Variants in PCDH11X observed in about 807,000 individuals in gnomAD.
PCDH11X encodes protocadherin-11 X-linked.
PCDH11X carries 18 observed loss-of-function variants against 53.3 expected under a neutral mutation model. The observed-to-expected ratio is 0.34, with a 90% CI of 0.23 to 0.50. The LOEUF is 0.50. Among genes scored for constraint, PCDH11X ranks in the 20% least tolerant of loss-of-function variants. PCDH11X has a pLI of 0.98. For synonymous variants in PCDH11X, 279 were observed against 393.3 expected (o/e 0.71, Z 3.44); for missense variants, 570 against 1,032.4 (o/e 0.55, Z 6.14).
intron 8 of PCDH11X, among the ~76,000 whole-genome samples, chrX:92,335,805 C>T (rs1401880184): frequency 2.7e-5 from 3 of 111,821 alleles, no homozygotes; most frequent in Non-Finnish European, 5.6e-5. Context: ...TAAATAAATA[C>T]ATGTACGTGT....
intron 8 of PCDH11X, among the ~76,000 whole-genome samples, chrX:92,319,494 A>C (rs1409435921): frequency 8.9e-6 from 1 of 112,039 alleles, no homozygotes; most frequent in Non-Finnish European, 1.9e-5. Context: ...CCGTAGAATT[A>C]AAAGTCTTAT....
chrX:92,102,319 C>T (rs777265797), intron 6 of PCDH11X, among the ~76,000 whole-genome samples: 7 of 111,322 alleles, frequency 6.3e-5, no homozygotes, highest in East Asian at 2.8e-4. Flanking sequence ...ATTAAAGCAG[C>T]GGCAGCCTCT....
At chrX:92,499,158 T>C (rs956201389) in intron 10 of PCDH11X, among the ~76,000 whole-genome samples, 5 of 108,709 alleles carry the variant, frequency 4.6e-5, no homozygotes, top group African/African-American at 1.7e-4. Flanking sequence ...GTCAAAATCA[T>C]TTCAATAAAC....
chrX:91,983,152 A>G (rs922457607), intron 6 of PCDH11X: 2 of 955,736 alleles, frequency 2.1e-6, no homozygotes, highest in African/African-American at 3.9e-5. Context: ...TCCTGCTTGT[A>G]CCCTGTCTTG....
intron 6 of PCDH11X, among the ~76,000 whole-genome samples, chrX:91,914,075 G>A: frequency 8.9e-6 from 1 of 111,841 alleles, no homozygotes; most frequent in South Asian, 3.8e-4. Flanking sequence ...TCACATCACA[G>A]GACATTTTGC....
chrX:92,083,530 A>C (rs772130080), intron 6 of PCDH11X, among the ~76,000 whole-genome samples: 19 of 111,861 alleles, frequency 1.7e-4, no homozygotes, highest in Admixed American at 2.9e-4. Flanking sequence ...ACTTTATTTT[A>C]AATATGAGGG....
At chrX:92,429,739 A>G (rs1283704814) in intron 9 of PCDH11X, among the ~76,000 whole-genome samples, 1 of 102,821 alleles carries the variant, frequency 9.7e-6, no homozygotes, top group East Asian at 3.1e-4. Context: ...TGCCATGCAT[A>G]GCCTTGTTGA....
intron 7 of PCDH11X, 67 bp downstream of exon 7, chrX:92,201,522 A>G: frequency 1.4e-6 from 1 of 690,156 alleles, no homozygotes; most frequent in East Asian, 3.5e-5. Context: ...ATGTATAAGG[A>G]ATACTCTTAA....
chrX:91,785,481 C>T (rs1306829038), intron 1 of PCDH11X, among the ~76,000 whole-genome samples: 1 of 111,654 alleles, frequency 9.0e-6, no homozygotes, highest in Non-Finnish European at 1.9e-5. Context: ...CTTCTCTCTA[C>T]ATTCAGTGGA....
chrX:91,823,688 G>T (rs1175779766), intron 4 of PCDH11X, among the ~76,000 whole-genome samples: 2 of 111,061 alleles, frequency 1.8e-5, no homozygotes, highest in Non-Finnish European at 1.9e-5. Flanking sequence ...AAAGTTAATA[G>T]TATTATGTGT....
At chrX:92,056,789 T>A (rs2063456264) in intron 6 of PCDH11X, among the ~76,000 whole-genome samples, 1 of 111,513 alleles carries the variant, frequency 9.0e-6, no homozygotes, top group South Asian at 3.7e-4. Context: ...CAGCTTAAAA[T>A]CTGTTTTTTA....
At chrX:91,785,602 T>C (rs1935310434) in intron 1 of PCDH11X, among the ~76,000 whole-genome samples, 1 of 112,002 alleles carries the variant, frequency 8.9e-6, no homozygotes, top group Non-Finnish European at 1.9e-5. Context: ...TAAAATACTT[T>C]GGAACATTTA....
At chrX:91,810,331 A>C (rs191138477) in intron 2 of PCDH11X, 142 bp from the exon 3 acceptor site, 1 of 111,862 alleles carries the variant, frequency 8.9e-6, no homozygotes, top group South Asian at 3.7e-4. Context: ...AGAAATATTT[A>C]ACCTATTCTT....
intron 6 of PCDH11X, among the ~76,000 whole-genome samples, chrX:91,927,467 A>C (rs1844156080): frequency 1.8e-5 from 2 of 110,675 alleles, no homozygotes; most frequent in African/African-American, 3.3e-5. Context: ...GTGAATGGTA[A>C]GGAATCCAGC....
chrX:92,317,116 G>A (rs2069095305), intron 8 of PCDH11X, among the ~76,000 whole-genome samples: 1 of 111,210 alleles, frequency 9.0e-6, no homozygotes, highest in African/African-American at 3.3e-5. Context: ...GCGGACAAGA[G>A]TGAAGAAATG....
chrX:92,547,451 G>C (rs974286227), intron 10 of PCDH11X, among the ~76,000 whole-genome samples: 4 of 109,424 alleles, frequency 3.7e-5, no homozygotes, highest in African/African-American at 1.3e-4. Context: ...GTTTCTAAGG[G>C]AAGATTAAAT....
At chrX:92,347,237 A>G (rs2148521763) in intron 8 of PCDH11X, among the ~76,000 whole-genome samples, 1 of 111,839 alleles carries the variant, frequency 8.9e-6, no homozygotes, top group South Asian at 3.7e-4. Flanking sequence ...ATTAATCAAT[A>G]ATCATATAAC....
chrX:92,122,462 ATG>A (rs1419247653), intron 6 of PCDH11X, among the ~76,000 whole-genome samples: 2 of 111,791 alleles, frequency 1.8e-5, no homozygotes, highest in African/African-American at 6.5e-5. Context: ...TTAGTTCATA[ATG>A]TGTGTTTCTT....
intron 9 of PCDH11X, among the ~76,000 whole-genome samples, chrX:92,413,263 T>C (rs1433061156): frequency 2.2e-5 from 1 of 45,650 alleles, no homozygotes; most frequent in Non-Finnish European, 3.7e-5. Flanking sequence ...TTGCATTTCA[T>C]TTTGGAAACC....
Sources: gnomAD v4.1 joint callset for allele counts (sites outside exome capture counted in the v4.1 genomes callset) on GRCh38, gnomAD v4.1.1 for gene constraint, MANE v1.5 for transcripts, NCBI Gene and HGNC (gene_info 2026-07-23, HGNC 2026-07-21) for gene names.